CNTNAP2: variants seen among roughly 807,000 people sequenced by gnomAD.
CNTNAP2 encodes the protein contactin associated protein 2.
A neutral mutation model predicts 155.2 loss-of-function variants in CNTNAP2; 98 were observed. The observed-to-expected ratio is 0.63, with a 90% confidence interval of 0.54 to 0.75. The LOEUF is 0.75. CNTNAP2 is among the 30% of genes least tolerant of loss of function. CNTNAP2 has a pLI of 0.00. For synonymous variants in CNTNAP2, 651 were observed against 631.2 expected, an observed-to-expected ratio of 1.03 and a Z score of -0.47; for missense variants, 1,727 against 1,688.1, an observed-to-expected ratio of 1.02 and a Z score of -0.40.
chr7:148,235,168 A>G (rs565367877), intron 20 of CNTNAP2, among the ~76,000 whole-genome samples: 1 of 152,258 alleles, frequency 6.6e-6, no homozygotes, highest in African/African-American at 2.4e-5. Flanking sequence ...TTAAAATAAT[A>G]TAAGCACGGT....
chr7:147,317,223 A>G (rs1795248005), intron 9 of CNTNAP2, among the ~76,000 whole-genome samples: 1 of 152,222 alleles, frequency 6.6e-6, no homozygotes, highest in South Asian at 2.1e-4. Context: ...TTATCCACTG[A>G]CGGTTTCAGT....
chr7:147,743,433 T>C (rs1796984926), intron 13 of CNTNAP2, among the ~76,000 whole-genome samples: 1 of 152,134 alleles, frequency 6.6e-6, no homozygotes, highest in South Asian at 2.1e-4. Flanking sequence ...TAAAACCGGA[T>C]GCCCCAAAGC....
chr7:147,812,504 G>T (rs1289362487), intron 13 of CNTNAP2, among the ~76,000 whole-genome samples: 3 of 147,284 alleles, frequency 2.0e-5, no homozygotes, highest in Non-Finnish European at 4.5e-5. Context: ...AATTTAAAAA[G>T]TAAAAAAAAA....
At chr7:147,680,896 A>C (rs1247026437) in intron 13 of CNTNAP2, among the ~76,000 whole-genome samples, 1 of 151,850 alleles carries the variant, frequency 6.6e-6, no homozygotes, top group Non-Finnish European at 1.5e-5. Flanking sequence ...TACCCAATTA[A>C]ATTTTTATTA....
chr7:147,559,585 C>T (rs1800019385), intron 11 of CNTNAP2, among the ~76,000 whole-genome samples: 1 of 151,876 alleles, frequency 6.6e-6, no homozygotes, highest in Non-Finnish European at 1.5e-5. Context: ...GGAGTTTTGG[C>T]AGAAGAAAAA....
At chr7:147,983,810 T>C (rs8180798) in intron 15 of CNTNAP2, among the ~76,000 whole-genome samples, 81,490 of 152,002 alleles carry the variant, frequency 0.54, 22,590 homozygotes, top group Middle Eastern at 0.76. Context: ...GTACTTATTA[T>C]GTAGATGAAG....
chr7:148,293,903 C>T lies in CNTNAP2; in HGVS notation c.3475+26777C>T, dbSNP rs147305406. Among the ~76,000 whole-genome samples, 766 of 151,822 alleles carry T rather than the reference C, an allele frequency of 5.0e-3. 12 individuals carry two copies. The highest frequency in any genetic ancestry group is 0.017 in the African/African-American group (713 of 41,398). On this transcript the variant is annotated intron_variant, in intron 21 of 23. Transcript: ENST00000361727. ...TATGGAAATTAGCCAGTCATGGTGGCGCATTACTATAATCGCAGCTACTCG... is the reference window on the plus strand; with the variant it reads ...TATGGAAATTAGCCAGTCATGGTGGTGCATTACTATAATCGCAGCTACTCG...
intron 15 of CNTNAP2, among the ~76,000 whole-genome samples, chr7:148,082,888 A>G (rs1315264457): frequency 2.0e-5 from 3 of 152,018 alleles, no homozygotes; most frequent in African/African-American, 7.2e-5. Context: ...CATGTTGGCC[A>G]GGCTGGTGTC....
At chr7:146,942,396 T>C (rs1797074705) in intron 3 of CNTNAP2, among the ~76,000 whole-genome samples, 3 of 152,080 alleles carry the variant, frequency 2.0e-5, no homozygotes, top group Admixed American at 2.0e-4. Flanking sequence ...ACATTACAGT[T>C]ATTGAAATAT....
intron 15 of CNTNAP2, among the ~76,000 whole-genome samples, chr7:148,110,523 G>A (rs73472263): frequency 0.022 from 3,283 of 151,946 alleles, 135 homozygotes; most frequent in African/African-American, 0.076. Context: ...ACTTCAGTCT[G>A]TTACCTCCTT....
At chr7:147,166,374 A>G (rs1050657009) in intron 8 of CNTNAP2, among the ~76,000 whole-genome samples, 1 of 152,020 alleles carries the variant, frequency 6.6e-6, no homozygotes, top group Non-Finnish European at 1.5e-5. Flanking sequence ...GATACAATGG[A>G]CTTTGGGGAC....
intron 13 of CNTNAP2, among the ~76,000 whole-genome samples, chr7:147,816,542 A>G (rs1021484137): frequency 6.6e-6 from 1 of 152,200 alleles, no homozygotes; most frequent in African/African-American, 2.4e-5. Context: ...AATTTTAAAA[A>G]TAATGGAGAT....
At position 146,976,921 on chromosome 7, in the gene CNTNAP2, C is replaced by G. The variant is rs538442567; in HGVS notation, c.403-66986C>G. ...TGGGGGCCTATGAACAACAATCAGA[C>G]AAGCAGATCAGAGAATTTCTTTGTA... On this transcript the variant is annotated intron_variant, in intron 3 of 23. Coordinates refer to ENST00000361727, the MANE Select transcript of CNTNAP2 (RefSeq NM_014141.6). 2.0e-5 allele frequency among the ~76,000 whole-genome samples: 3 copies of G among 152,246 alleles called. No individual in the cohort carries two copies. In the South Asian group the frequency reaches 6.2e-4, roughly 32 times the overall value.
At chr7:147,568,122 C>T (rs1800212122) in intron 12 of CNTNAP2, among the ~76,000 whole-genome samples, 1 of 151,800 alleles carries the variant, frequency 6.6e-6, no homozygotes, top group South Asian at 2.1e-4. Flanking sequence ...AAATCTTTGT[C>T]TCGGGTTTCT....
intron 9 of CNTNAP2, among the ~76,000 whole-genome samples, chr7:147,338,418 C>A (rs151271699): frequency 1.3e-5 from 2 of 152,152 alleles, no homozygotes; most frequent in African/African-American, 4.8e-5. Flanking sequence ...AGAGCAAGGG[C>A]AGTCTACACT....
At chr7:146,981,359 A>T (rs1469126490) in intron 3 of CNTNAP2, among the ~76,000 whole-genome samples, 1 of 152,230 alleles carries the variant, frequency 6.6e-6, no homozygotes, top group Non-Finnish European at 1.5e-5. Context: ...GAAAACAAGT[A>T]CATGTGTATT....
intron 3 of CNTNAP2, among the ~76,000 whole-genome samples, chr7:146,918,383 G>A (rs561826548): frequency 6.6e-6 from 1 of 152,088 alleles, no homozygotes; most frequent in African/African-American, 2.4e-5. Flanking sequence ...CTTGGTAGTA[G>A]TGAATTCTTT....
In CNTNAP2 at chr7:146,232,466, T is replaced by C. The variant is rs561123345; in HGVS notation, c.97+115493T>C. 9.9e-5 allele frequency among the ~76,000 whole-genome samples: 15 copies of C among 152,178 alleles called. No individual in the cohort carries two copies. The South Asian group carries it at 1.9e-3, about 19-fold the overall frequency. ...GTGTAGTTCAAATATTTTGTCTAGC[T>C]ACCTATAGGGATATGCTTGGCCTAA... On this transcript the variant is annotated intron_variant, in intron 1 of 23. Coordinates refer to ENST00000361727, the MANE Select transcript of CNTNAP2 (RefSeq NM_014141.6).
At chr7:146,397,929 A>C (rs34199552) in intron 1 of CNTNAP2, among the ~76,000 whole-genome samples, 42,502 of 147,572 alleles carry the variant, frequency 0.29, 6,331 homozygotes, top group Admixed American at 0.44. Flanking sequence ...GCTGGAGTGC[A>C]GTGGTGTGAT....
Sources: gnomAD v4.1 joint callset for allele counts (sites outside exome capture counted in the v4.1 genomes callset) on GRCh38, gnomAD v4.1.1 for gene constraint, MANE v1.5 for transcripts, NCBI Gene and HGNC (gene_info 2026-07-23, HGNC 2026-07-21) for gene names.